The following MEGF10 variants were observed in gnomAD, a reference collection of about 807,000 sequenced individuals.
MEGF10 encodes the protein multiple EGF like domains 10.
A neutral mutation model predicts 147.5 loss-of-function variants in MEGF10; 86 were observed. That is an observed-to-expected ratio of 0.58 (90% CI 0.49 to 0.70). The LOEUF is 0.70. MEGF10 is among the 30% of genes least tolerant of loss of function. The probability of loss-of-function intolerance (pLI) is 0.00; values close to 1 mark genes in which losing one functional copy is unlikely to be tolerated. For missense variants in MEGF10, 1,329 were observed against 1,487.3 expected, an observed-to-expected ratio of 0.89 and a Z score of 1.75; for synonymous variants, 478 against 525.5, an observed-to-expected ratio of 0.91 and a Z score of 1.24.
intron 9 of MEGF10, among the ~76,000 whole-genome samples, chr5:127,414,804 C>G (rs1196963395): frequency 6.6e-6 from 1 of 152,026 alleles, no homozygotes; most frequent in African/African-American, 2.4e-5. Flanking sequence ...TCCTGGAACT[C>G]ACAGTGTAGA....
chr5:127,388,016 C>G (rs542596462), intron 5 of MEGF10, among the ~76,000 whole-genome samples: 2 of 152,162 alleles, frequency 1.3e-5, no homozygotes, highest in Admixed American at 1.3e-4. Context: ...ATTTATTCAC[C>G]AGATATTTTC....
intron 12 of MEGF10, among the ~76,000 whole-genome samples, chr5:127,421,508 G>A (rs149139462): frequency 2.0e-5 from 3 of 152,226 alleles, no homozygotes; most frequent in African/African-American, 7.2e-5. Flanking sequence ...CAGGATCTGT[G>A]GTGAAAGAGC....
chr5:127,410,936 A>G (rs1207688928), intron 9 of MEGF10, among the ~76,000 whole-genome samples: 2 of 152,244 alleles, frequency 1.3e-5, no homozygotes, highest in Non-Finnish European at 2.9e-5. Flanking sequence ...CAAAGATGCA[A>G]TGAGAGACAA....
At chr5:127,366,578 A>G (rs1269781326) in intron 4 of MEGF10, among the ~76,000 whole-genome samples, 2 of 152,222 alleles carry the variant, frequency 1.3e-5, no homozygotes, top group Non-Finnish European at 2.9e-5. Flanking sequence ...CCAATTCCTA[A>G]TTAACTTACA....
chr5:127,457,542 T>A lies in MEGF10; in HGVS notation c.*224T>A. 1 of 515,602 alleles carries A rather than the reference T, an allele frequency of 1.9e-6. No homozygotes were observed. The highest frequency in any genetic ancestry group is 2.9e-5 in the South Asian group (1 of 34,144). 31.9% of individuals were successfully genotyped at this position (515,602 alleles called of 1,614,324 possible). Reference sequence around the variant, plus strand: ...GATGTGATTTCCCATTGCTGTTAGTTTTAGAACTATACCCGTGAAGCATGA... The same window carrying A: ...GATGTGATTTCCCATTGCTGTTAGTATTAGAACTATACCCGTGAAGCATGA... On this transcript the variant is annotated 3_prime_UTR_variant, in exon 25 of 25. Transcript: ENST00000503335.
At chr5:127,376,558 A>C (rs1174305287) in intron 5 of MEGF10, among the ~76,000 whole-genome samples, 1 of 152,174 alleles carries the variant, frequency 6.6e-6, no homozygotes, top group Non-Finnish European at 1.5e-5. Flanking sequence ...AATCTGAGGA[A>C]GTCTATATCA....
At chr5:127,425,615 G>T (rs1383615277) in intron 13 of MEGF10, among the ~76,000 whole-genome samples, 1 of 151,966 alleles carries the variant, frequency 6.6e-6, no homozygotes, top group East Asian at 1.9e-4. Flanking sequence ...CCAAGAATTG[G>T]CTTATTTTTT....
intron 2 of MEGF10, among the ~76,000 whole-genome samples, chr5:127,337,678 G>C (rs1761520655): frequency 6.6e-6 from 1 of 152,010 alleles, no homozygotes; most frequent in Non-Finnish European, 1.5e-5. Context: ...ATTTGTTGGA[G>C]GTAGAAAGAA....
At chr5:127,452,332 C>T (rs555905851) in intron 22 of MEGF10, among the ~76,000 whole-genome samples, 1 of 152,252 alleles carries the variant, frequency 6.6e-6, no homozygotes, top group South Asian at 2.1e-4. Context: ...TGGAGATGGC[C>T]AAGAGTATTT....
At chr5:127,398,863 A>G in intron 7 of MEGF10, 67 bp downstream of exon 7, 1 of 1,599,658 alleles carries the variant, frequency 6.3e-7, no homozygotes, top group Non-Finnish European at 8.5e-7. Flanking sequence ...CTCAGTGCAT[A>G]CACATGCAGG....
chr5:127,435,211 C>A, intron 15 of MEGF10, 150 bp from the exon 16 acceptor site: 1 of 890,774 alleles, frequency 1.1e-6, no homozygotes, highest in Non-Finnish European at 1.7e-6. Context: ...TAAAAATGAG[C>A]CCATTCAAGA....
At position 127,417,646 on chromosome 5, in the gene MEGF10, C is replaced by G; in HGVS notation, c.1139C>G (p.Pro380Arg). 6.2e-7 allele frequency: 1 copy of G among 1,614,162 alleles called. No individual in the cohort carries two copies. The highest frequency in any genetic ancestry group is 8.5e-7 in the Non-Finnish European group (1 of 1,180,014). ...TCATCCATGTCTCTCAGCTGTCACCCCATGTCTGGAGAGTGTGCCTGCAAG... is the reference window on the plus strand; with the variant it reads ...TCATCCATGTCTCTCAGCTGTCACCGCATGTCTGGAGAGTGTGCCTGCAAG... ...CHLENTHSCH[P>R]MSGECACKPG... The change falls in exon 10 of 25, where the codon CCC (proline) becomes CGC (arginine). Residue 380 changes from proline to arginine, a missense_variant. By Grantham distance (103) the Pro-to-Arg change is moderately radical. Coordinates refer to ENST00000503335, the MANE Select transcript of MEGF10 (RefSeq NM_001256545.2).
intron 18 of MEGF10, among the ~76,000 whole-genome samples, chr5:127,441,251 G>T (rs1292422154): frequency 6.6e-6 from 1 of 152,248 alleles, no homozygotes; most frequent in Non-Finnish European, 1.5e-5. Flanking sequence ...AGTACATTCG[G>T]TGGGGAGGAG....
intron 1 of MEGF10, among the ~76,000 whole-genome samples, chr5:127,308,917 A>G (rs1760134657): frequency 6.6e-6 from 1 of 152,186 alleles, no homozygotes; most frequent in South Asian, 2.1e-4. Flanking sequence ...TTAAAATAAA[A>G]GGTTAAGAGA....
At chr5:127,356,097 G>T (rs1258703419) in intron 4 of MEGF10, among the ~76,000 whole-genome samples, 2 of 152,192 alleles carry the variant, frequency 1.3e-5, no homozygotes, top group Non-Finnish European at 2.9e-5. Flanking sequence ...TCTTTTCAGG[G>T]CAAAGTAATT....
At chr5:127,269,825 G>A in the MEGF10 span, among the ~76,000 whole-genome samples, 1 of 152,166 alleles carries the variant, frequency 6.6e-6, no homozygotes, top group East Asian at 1.9e-4. Context: ...GTTAAGGGCA[G>A]CCAGAGAGAA....
In MEGF10 at chr5:127,443,127, G is replaced by A. The variant is rs1423400050; in HGVS notation, c.2491+1G>A. The A allele has an allele frequency of 6.2e-6, 10 of 1,611,898 alleles. No individual in the cohort carries two copies. In the African/African-American group the frequency reaches 6.7e-5, roughly 11 times the overall value. On this transcript the variant is annotated splice_donor_variant, in intron 19 of 24. Coordinates refer to ENST00000503335, the MANE Select transcript of MEGF10 (RefSeq NM_001256545.2). LOFTEE classifies it high-confidence loss of function. ...TGGAAGGGAGCGAGATGTGATCAAGGTAAATATACTAGCTAATGTTTGTAG... is the reference window on the plus strand; with the variant it reads ...TGGAAGGGAGCGAGATGTGATCAAGATAAATATACTAGCTAATGTTTGTAG...
At chr5:127,323,171 G>A (rs763548363) in intron 1 of MEGF10, among the ~76,000 whole-genome samples, 29 of 152,102 alleles carry the variant, frequency 1.9e-4, no homozygotes, top group East Asian at 7.7e-4. Flanking sequence ...GCCCAAGTGC[G>A]GAAAAATAAA....
intron 19 of MEGF10, among the ~76,000 whole-genome samples, chr5:127,445,049 C>T (rs924410814): frequency 2.0e-5 from 3 of 152,204 alleles, no homozygotes; most frequent in African/African-American, 7.2e-5. Context: ...ATATAAGAAG[C>T]TCTCAAATCC....
Sources: allele counts gnomAD v4.1 joint callset (sites outside exome capture counted in the v4.1 genomes callset), GRCh38; gene constraint gnomAD v4.1.1; transcripts MANE v1.5; gene names NCBI Gene and HGNC (gene_info 2026-07-23, HGNC 2026-07-21).